CCDC47: variants seen among roughly 807,000 people sequenced by gnomAD.
CCDC47 encodes the protein coiled-coil domain containing 47, also known as PAT complex subunit CCDC47.
Under a neutral mutation model 60.5 loss-of-function variants are expected in CCDC47, and 41 were observed. That is an observed-to-expected ratio of 0.68 (90% CI 0.53 to 0.88). The LOEUF (loss-of-function observed/expected upper bound fraction) is 0.88, where lower values mean the gene tolerates loss of function less well. Ranked by LOEUF, CCDC47 falls within the 40% of genes least tolerant of loss-of-function variation. CCDC47 has a pLI of 0.00. For missense variants in CCDC47, 513 were observed against 580.9 expected (o/e 0.88, Z 1.20); for synonymous variants, 195 against 190.7 (o/e 1.02, Z -0.18).
chr17:63,769,624 A>G (rs1487601894), intron 1 of CCDC47, among the ~76,000 whole-genome samples: 4 of 151,428 alleles, frequency 2.6e-5, no homozygotes, highest in African/African-American at 7.3e-5. Context: ...AAAAAAAAAA[A>G]AAAAGAAAAG....
chr17:63,771,003 A>AG (rs2039334674), intron 1 of CCDC47, among the ~76,000 whole-genome samples: 1 of 112,722 alleles, frequency 8.9e-6, no homozygotes, highest in African/African-American at 3.3e-5. Context: ...AAAAAAAGAA[A>AG]GAAAGAAAGA....
chr17:63,764,681 G>C (rs1276152533), intron 3 of CCDC47, 59 bp downstream of exon 3: 15 of 1,421,958 alleles, frequency 1.1e-5, no homozygotes, highest in Non-Finnish European at 1.2e-5. Flanking sequence ...TTTTATTTCT[G>C]GGATTGATGA....
chr17:63,756,570 G>T lies in CCDC47; in HGVS notation c.736C>A (p.Gln246Lys). Residue 246 changes from glutamine (Q) to lysine (K), a missense_variant and splice_region_variant, in exon 7 of 13, where the codon CAA becomes AAA. By Grantham distance (53) the Gln-to-Lys change is moderately conservative. Transcript: ENST00000225726. ...TCATCATTCATGGTTACTTTTATTT[G>T]CTTTTAAAAAAATGTAAAAAACAAC... The part of the protein sequence containing the change: ...RMMRPVSDQV[Q>K]IKVTMNDEDM... 1 of 1,608,392 alleles carries T rather than the reference G, an allele frequency of 6.2e-7. No homozygotes were observed.
rs180790002 is a variant in CCDC47, at chr17:63,763,923, T to C, written c.547+93A>G. 57 of 899,282 alleles carry C rather than the reference T, an allele frequency of 6.3e-5. No individual in the cohort carries two copies. The African/African-American group carries it at 9.1e-4, about 14-fold the overall frequency. The allele number at this position is 899,282 out of a possible 1,614,324, so 55.7% of individuals were successfully genotyped here. ...ACAATGCACCCTCTTTGGTATTCCATGAAAGCAGTTAGATGCTTATACTGA... is the reference window on the plus strand; with the variant it reads ...ACAATGCACCCTCTTTGGTATTCCACGAAAGCAGTTAGATGCTTATACTGA... On this transcript the variant is annotated intron_variant, in intron 4 of 12. Coordinates refer to ENST00000225726, the MANE Select transcript of CCDC47 (RefSeq NM_020198.3).
chr17:63,771,626 A>C (rs1475875158), intron 1 of CCDC47, among the ~76,000 whole-genome samples: 1 of 152,174 alleles, frequency 6.6e-6, no homozygotes, highest in African/African-American at 2.4e-5. Context: ...TTCCACTTCC[A>C]CTAGGCCTAA....
At chr17:63,752,154 AC>A (rs2039171743) in intron 11 of CCDC47, 47 bp from the exon 12 acceptor site, 1 of 1,594,406 alleles carries the variant, frequency 6.3e-7, no homozygotes, top group African/African-American at 1.3e-5. Flanking sequence ...TTTCTAGTCA[AC>A]AGCAACAAAA....
chr17:63,746,829 T>C lies in CCDC47; in HGVS notation c.*52A>G. 4 of 1,343,864 alleles carry C rather than the reference T, an allele frequency of 3.0e-6. No homozygotes were observed. Among genetic ancestry groups the C allele is most frequent in the Non-Finnish European group, 4.3e-6 (4 of 935,930 alleles). The allele number at this position is 1,343,864 out of a possible 1,614,324, so 83.2% of individuals were successfully genotyped here. A position where few individuals can be genotyped will look rare whatever the true frequency, so the allele number is the denominator to read the frequency against. On this transcript the variant is annotated 3_prime_UTR_variant, in exon 13 of 13. Transcript: ENST00000225726. The stretch of plus-strand genomic sequence containing the variant: ...ATGGACTGGCGTTTTTCATGTTTCC[T>C]GTGAATTCAGAGCTTACAGGTGGCA...
intron 9 of CCDC47, chr17:63,753,552 C>T (rs1215357065): frequency 5.3e-6 from 4 of 757,192 alleles, no homozygotes; most frequent in South Asian, 6.0e-5. Flanking sequence ...AGTTTCAAAC[C>T]GAGCATAAAG....
At chr17:63,759,560 TATATATATATATATATAA>T (rs2039239756) in intron 6 of CCDC47, among the ~76,000 whole-genome samples, 1 of 61,668 alleles carries the variant, frequency 1.6e-5, no homozygotes, top group Non-Finnish European at 2.9e-5. Context: ...TATATATATA[TATATATATATATATATAA>T]AACAATGATT....
At chr17:63,760,512 A>C (rs1021355516) in intron 6 of CCDC47, among the ~76,000 whole-genome samples, 3 of 152,236 alleles carry the variant, frequency 2.0e-5, no homozygotes, top group African/African-American at 7.2e-5. Flanking sequence ...CTCCAAACAC[A>C]ATCCAGGCAG....
intron 1 of CCDC47, among the ~76,000 whole-genome samples, chr17:63,767,975 G>A (rs2039309287): frequency 6.6e-6 from 1 of 151,976 alleles, no homozygotes; most frequent in Non-Finnish European, 1.5e-5. Flanking sequence ...GCCACTACAA[G>A]TTACCCCCAC....
intron 1 of CCDC47, among the ~76,000 whole-genome samples, chr17:63,773,111 G>A (rs2144506139): frequency 6.6e-6 from 1 of 152,270 alleles, no homozygotes; most frequent in Non-Finnish European, 1.5e-5. Flanking sequence ...ATACAAACAC[G>A]TTTCATTTTA....
intron 4 of CCDC47, chr17:63,761,897 C>T: frequency 1.3e-6 from 1 of 757,636 alleles, no homozygotes; most frequent in Non-Finnish European, 1.6e-6. Flanking sequence ...ACATGCTTGT[C>T]AGTTTAACGA....
chr17:63,760,967 G>C lies in CCDC47; in HGVS notation c.682C>G (p.Gln228Glu). Residue 228 changes from glutamine (Q) to glutamate (E), a missense_variant, in exon 6 of 13, where the codon CAA becomes GAA. Gln to Glu is a conservative substitution (Grantham distance 29, BLOSUM62 2). Coordinates refer to ENST00000225726, the MANE Select transcript of CCDC47 (RefSeq NM_020198.3). ...MLIQLRFLKR[Q>E]DLLNVLARMM... ...CGGGCCAGGACATTCAGTAAGTCTT[G>C]TCTCTTGAGGAACTGAAAAAAATGA... The C allele has an allele frequency of 6.2e-7, 1 of 1,613,236 alleles. No homozygotes were observed. Among genetic ancestry groups the C allele is most frequent in the East Asian group, 2.2e-5 (1 of 44,866 alleles).
chr17:63,757,968 G>A (rs530479972), intron 6 of CCDC47, among the ~76,000 whole-genome samples: 2 of 152,076 alleles, frequency 1.3e-5, no homozygotes, highest in Non-Finnish European at 2.9e-5. Context: ...GAAAGAGAGG[G>A]AGGACGAAAT....
intron 4 of CCDC47, chr17:63,761,937 G>T: frequency 1.5e-6 from 1 of 686,074 alleles, no homozygotes; most frequent in Non-Finnish European, 1.8e-6. Context: ...GTCTCTCAGA[G>T]TACATACAAA....
At position 63,752,497 on chromosome 17, in the gene CCDC47, T is replaced by C. The variant is rs774973988; in HGVS notation, c.1094-68A>G. ...TTAATATTTCCAGGTCACCCAACTC[T>C]TTTTTTTTTTTAATCTTAAGAGACT... On this transcript the variant is annotated intron_variant, in intron 10 of 12. Coordinates refer to ENST00000225726, the MANE Select transcript of CCDC47 (RefSeq NM_020198.3). The C allele has an allele frequency of 1.7e-4, 44 of 265,892 alleles. No homozygotes were observed. The Middle Eastern group carries it at 2.5e-3, about 15-fold the overall frequency. 16.5% of individuals were successfully genotyped at this position (265,892 alleles called of 1,614,324 possible).
At chr17:63,765,770 G>A (rs58269663) in intron 2 of CCDC47, 142 bp downstream of exon 2, 867,079 of 1,366,220 alleles carry the variant, frequency 0.63, 279,780 homozygotes, top group African/African-American at 0.92. Context: ...ACTTACCACA[G>A]AACATTTAGA....
intron 12 of CCDC47, 111 bp from the exon 13 acceptor site, chr17:63,747,072 A>G (rs1411595511): frequency 6.8e-7 from 1 of 1,463,028 alleles, no homozygotes; most frequent in Non-Finnish European, 9.0e-7. Context: ...TGCCTATAGT[A>G]TTATTCAAAA....
Sources: gnomAD v4.1 joint callset for allele counts (sites outside exome capture counted in the v4.1 genomes callset) on GRCh38, gnomAD v4.1.1 for gene constraint, MANE v1.5 for transcripts, NCBI Gene and HGNC (gene_info 2026-07-23, HGNC 2026-07-21) for gene names.